Variants in PCSK6 observed in about 807,000 individuals in gnomAD.
PCSK6 encodes the protein paired basic amino acid cleaving enzyme 4.
Under a neutral mutation model 123.3 loss-of-function variants are expected in PCSK6, and 85 were observed. The ratio of observed to expected loss-of-function variants is 0.69; its 90% CI spans 0.58 to 0.83. The LOEUF (loss-of-function observed/expected upper bound fraction) is 0.83. Among genes scored for constraint, PCSK6 ranks in the 40% least tolerant of loss-of-function variants. The pLI, the probability that PCSK6 is intolerant of heterozygous loss-of-function variation, is 0.00. For missense variants in PCSK6, 1,191 were observed against 1,282.3 expected, an observed-to-expected ratio of 0.93 and a Z score of 1.09; for synonymous variants, 508 against 516.0, an observed-to-expected ratio of 0.98 and a Z score of 0.21.
intron 15 of PCSK6, among the ~76,000 whole-genome samples, chr15:101,331,267 CTG>C (rs1481833443): frequency 1.3e-5 from 2 of 152,242 alleles, no homozygotes; most frequent in African/African-American, 4.8e-5. Context: ...TTTTTAGATG[CTG>C]TAAGATTTTC....
At chr15:101,369,916 A>G (rs2041525947) in intron 12 of PCSK6, among the ~76,000 whole-genome samples, 1 of 152,200 alleles carries the variant, frequency 6.6e-6, no homozygotes, top group South Asian at 2.1e-4. Flanking sequence ...ACTGGGTGGG[A>G]GAGCTGGTGG....
At chr15:101,434,976 G>A (rs959346622) in intron 2 of PCSK6, among the ~76,000 whole-genome samples, 2 of 152,182 alleles carry the variant, frequency 1.3e-5, no homozygotes, top group African/African-American at 4.8e-5. Context: ...CACTTATTCT[G>A]TGGCTCACTC....
chr15:101,307,255 G>A lies in PCSK6; in HGVS notation c.2770C>T (p.Gln924Ter). The A allele has an allele frequency of 6.2e-7, 1 of 1,613,828 alleles. No homozygotes were observed. ...TTGGTGATGCAGGAGGTCCCCAGCTGTGTGAAGCCCGTCTTACACCTGCTA... is the reference window on the plus strand; with the variant it reads ...TTGGTGATGCAGGAGGTCCCCAGCTATGTGAAGCCCGTCTTACACCTGCTA... The part of the protein sequence containing the change: ...NCSRCKTGFT[Q>*]LGTSCITNHT... The change falls in exon 21 of 22, where the codon CAG becomes TAG. Residue 924 changes from glutamine (Q) to a stop codon, truncating the protein, a stop_gained. Transcript: ENST00000611716. LOFTEE classifies it high-confidence loss of function.
intron 19 of PCSK6, among the ~76,000 whole-genome samples, chr15:101,317,518 T>TG (rs1172052086): frequency 8.9e-6 from 1 of 111,972 alleles, no homozygotes; most frequent in Non-Finnish European, 1.6e-5. Flanking sequence ...TTTTCCTCTT[T>TG]GAAAAAATGT....
chr15:101,473,201 T>C (rs1458585202), intron 1 of PCSK6, among the ~76,000 whole-genome samples: 10 of 152,142 alleles, frequency 6.6e-5, no homozygotes, highest in Non-Finnish European at 1.0e-4. Flanking sequence ...CTCAGCCTCC[T>C]GAGTAGCTGG....
At chr15:101,379,688 G>T (rs141654847) in intron 11 of PCSK6, among the ~76,000 whole-genome samples, 1 of 152,220 alleles carries the variant, frequency 6.6e-6, no homozygotes, top group Non-Finnish European at 1.5e-5. Flanking sequence ...TGCACGGAGA[G>T]GGGGCAGTTA....
At chr15:101,414,157 A>C (rs538872062) in intron 6 of PCSK6, among the ~76,000 whole-genome samples, 4 of 152,332 alleles carry the variant, frequency 2.6e-5, no homozygotes, top group Non-Finnish European at 4.4e-5. Flanking sequence ...TTAAATTATG[A>C]GTGAAAATTA....
In PCSK6 at chr15:101,305,595, C is replaced by G; in HGVS notation, c.2813-240G>C. ...TGGTGGTGGGCACCTGTAATCCAAG[C>G]TACTCGGGAGGCTAAAGCAGGAGAA... On this transcript the variant is annotated intron_variant, in intron 21 of 21. Coordinates refer to ENST00000611716, the MANE Select transcript of PCSK6 (RefSeq NM_002570.5). This position sits in a 1 kb window ranked among gnomAD's most constrained non-coding sequence, Gnocchi z 4.8. 1 of 430,396 alleles carries G rather than the reference C, an allele frequency of 2.3e-6. No homozygotes were observed. The highest frequency in any genetic ancestry group is 4.3e-6 in the Non-Finnish European group (1 of 233,882). The allele number at this position is 430,396 out of a possible 1,614,324, so 26.7% of individuals were successfully genotyped here. A position where few individuals can be genotyped will look rare whatever the true frequency, so the allele number is the denominator to read the frequency against.
rs574497761 is a variant in PCSK6 at position 101,446,970 on chromosome 15, C to T, written c.298-3310G>A. Among the ~76,000 whole-genome samples the T allele has an allele frequency of 2.6e-4, 39 of 152,300 alleles. 2 individuals are homozygous for T. The South Asian group carries it at 5.8e-3, about 23-fold the overall frequency. ...CACCAGGTCAGGAGTGTGAGGTTTTCATCACGGGCAAAACCAGTGAGAGAA... is the reference window on the plus strand; with the variant it reads ...CACCAGGTCAGGAGTGTGAGGTTTTTATCACGGGCAAAACCAGTGAGAGAA... On this transcript the variant is annotated intron_variant, in intron 1 of 21. Transcript: ENST00000611716.
At chr15:101,342,274 C>T (rs761520074) in intron 13 of PCSK6, among the ~76,000 whole-genome samples, 7 of 151,644 alleles carry the variant, frequency 4.6e-5, no homozygotes, top group Non-Finnish European at 1.0e-4. Flanking sequence ...GATGGAATTA[C>T]ACTGTTATTA....
At chr15:101,391,989 T>C (rs1210737913) in intron 8 of PCSK6, among the ~76,000 whole-genome samples, 1 of 152,238 alleles carries the variant, frequency 6.6e-6, no homozygotes, top group Non-Finnish European at 1.5e-5. Flanking sequence ...GATCACACGC[T>C]GACGTGATTC....
At chr15:101,422,749 G>C (rs1012465305) in intron 6 of PCSK6, among the ~76,000 whole-genome samples, 1 of 151,880 alleles carries the variant, frequency 6.6e-6, no homozygotes, top group South Asian at 2.1e-4. Flanking sequence ...AGCCTCCCAA[G>C]TAGCTGGGAC....
intron 11 of PCSK6, among the ~76,000 whole-genome samples, chr15:101,375,049 T>A (rs1596253685): frequency 6.6e-6 from 1 of 150,420 alleles, no homozygotes; most frequent in African/African-American, 2.5e-5. Context: ...GCCTCCCGGG[T>A]TCAAGCAATT....
Position 101,489,456 on chromosome 15 carries a change from T to C in PCSK6, c.215A>G (p.Asn72Ser). ...GCCCAGCACTTGCACCGCCCAGTGG[T>C]TGGTGTAGACGGGGCGCGGCGGGGG... ...SAPPPRPVYTNHWAVQVLGGP... is the reference protein window; with the variant it reads ...SAPPPRPVYTSHWAVQVLGGP... The change falls in exon 1 of 22, where the codon AAC becomes AGC. Residue 72 changes from asparagine (N) to serine (S), a missense_variant. This residue lies in a region of PCSK6 where 204 missense variants were observed against 166.4 expected (regional missense o/e 1.23). Transcript: ENST00000611716. 1 of 1,187,846 alleles carries C rather than the reference T, an allele frequency of 8.4e-7. No individual in the cohort carries two copies. The highest frequency in any genetic ancestry group is 1.7e-5 in the African/African-American group (1 of 59,608). The allele number at this position is 1,187,846 out of a possible 1,614,324, so 73.6% of individuals were successfully genotyped here. A position where few individuals can be genotyped will look rare whatever the true frequency, so the allele number is the denominator to read the frequency against.
intron 9 of PCSK6, among the ~76,000 whole-genome samples, chr15:101,388,168 C>T (rs545979408): frequency 1.3e-5 from 2 of 152,310 alleles, no homozygotes; most frequent in South Asian, 4.1e-4. Context: ...ACACAAGCAA[C>T]TCATTATGAA....
At position 101,403,418 on chromosome 15, in the gene PCSK6, T is replaced by G. The variant is rs181751061; in HGVS notation, c.824-4842A>C. On this transcript the variant is annotated intron_variant, in intron 6 of 21. Transcript: ENST00000611716. ...CACATGTACCCTAAAACTTAAAGTA[T>G]AATAATAATTAAAAAAAAAGAGAGA... 5.8e-4 allele frequency among the ~76,000 whole-genome samples: 53 copies of G among 91,726 alleles called. 1 individual carries two copies. The East Asian group carries it at 0.012, about 21-fold the overall frequency. 60.2% of individuals were successfully genotyped at this position (91,726 alleles called of 152,430 possible).
intron 1 of PCSK6, among the ~76,000 whole-genome samples, chr15:101,455,326 C>T (rs1020613523): frequency 2.0e-5 from 3 of 152,302 alleles, no homozygotes; most frequent in African/African-American, 7.2e-5. Context: ...GCAGTGCTGC[C>T]CAGCTGTTAT....
At chr15:101,439,709 T>C (rs745773189) in intron 2 of PCSK6, among the ~76,000 whole-genome samples, 46 of 152,242 alleles carry the variant, frequency 3.0e-4, no homozygotes, top group Admixed American at 1.6e-3. Context: ...TGCTTCAACA[T>C]TGCATCACTG....
chr15:101,403,351 G>A lies in PCSK6; in HGVS notation c.824-4775C>T, dbSNP rs376420164. On this transcript the variant is annotated intron_variant, in intron 6 of 21. Coordinates refer to ENST00000611716, the MANE Select transcript of PCSK6 (RefSeq NM_002570.5). ...ACCAGTTAATGGGTGCAGCACACCA[G>A]CATGGCACATGTACACATATGTAAC... is the stretch of plus-strand genomic sequence containing the variant. Among the ~76,000 whole-genome samples, 90 of 150,662 alleles carry A rather than the reference G, an allele frequency of 6.0e-4. 1 individual carries two copies. The highest frequency in any genetic ancestry group is 2.7e-3 in the South Asian group (13 of 4,744).
Sources: gnomAD v4.1 joint callset for allele counts (sites outside exome capture counted in the v4.1 genomes callset) on GRCh38, gnomAD v4.1.1 for gene constraint, gnomAD v4.1.1 regional missense constraint, Gnocchi (gnomAD v3.1) non-coding constraint, MANE v1.5 for transcripts, NCBI Gene and HGNC (gene_info 2026-07-23, HGNC 2026-07-21) for gene names.